The following CTNND2 variants were observed in gnomAD, a reference collection of about 807,000 sequenced individuals.
The protein encoded by CTNND2 is catenin delta 2.
CTNND2 carries 22 observed loss-of-function variants against 144.4 expected under a neutral mutation model. The observed-to-expected ratio is 0.15, with a 90% confidence interval of 0.11 to 0.22. CTNND2 has a LOEUF of 0.22. Ranked by LOEUF, CTNND2 falls within the 10% of genes least tolerant of loss-of-function variation. The pLI, the probability that CTNND2 is intolerant of heterozygous loss-of-function variation, is 1.00. For missense variants in CTNND2, 1,353 were observed against 1,618.8 expected (o/e 0.84, Z 2.82); for synonymous variants, 751 against 695.6 (o/e 1.08, Z -1.25).
chr5:11,024,267 G>A (rs1268492369), intron 16 of CTNND2, among the ~76,000 whole-genome samples: 1 of 152,140 alleles, frequency 6.6e-6, no homozygotes, highest in Non-Finnish European at 1.5e-5. Context: ...GAGAGAAAAT[G>A]CTGATACTTA....
At chr5:11,407,186 G>T (rs1185358361) in intron 5 of CTNND2, among the ~76,000 whole-genome samples, 1 of 152,144 alleles carries the variant, frequency 6.6e-6, no homozygotes, top group Non-Finnish European at 1.5e-5. Context: ...AAAGCTAATG[G>T]CCCCAAGCTT....
chr5:11,721,561 T>C (rs1407240541), intron 2 of CTNND2, among the ~76,000 whole-genome samples: 2 of 152,214 alleles, frequency 1.3e-5, no homozygotes, highest in Non-Finnish European at 2.9e-5. Flanking sequence ...TGGTCCTCTA[T>C]CTCCAAATAT....
At chr5:11,236,962 G>T in intron 9 of CTNND2, 139 bp from the exon 10 acceptor site, 1 of 810,016 alleles carries the variant, frequency 1.2e-6, no homozygotes, top group Non-Finnish European at 1.9e-6. Flanking sequence ...TTTCTTACAT[G>T]CAGACCCATT....
At chr5:11,061,967 C>T (rs555969665) in intron 16 of CTNND2, among the ~76,000 whole-genome samples, 5 of 152,266 alleles carry the variant, frequency 3.3e-5, no homozygotes, top group African/African-American at 9.6e-5. Context: ...CCTCGGCCTC[C>T]CAAAGAGCTG....
intron 2 of CTNND2, among the ~76,000 whole-genome samples, chr5:11,601,391 T>G (rs534749302): frequency 4.0e-4 from 61 of 152,176 alleles, no homozygotes; most frequent in African/African-American, 1.4e-3. Context: ...TTTTATTTTT[T>G]TGTGAAAAAA....
chr5:11,053,664 G>T (rs1746069157), intron 16 of CTNND2, among the ~76,000 whole-genome samples: 1 of 152,186 alleles, frequency 6.6e-6, no homozygotes, highest in African/African-American at 2.4e-5. Context: ...GTTTGAATTT[G>T]TTTAAGGCAA....
intron 11 of CTNND2, among the ~76,000 whole-genome samples, chr5:11,196,662 G>C (rs1561005135): frequency 6.6e-6 from 1 of 152,150 alleles, no homozygotes; most frequent in Non-Finnish European, 1.5e-5. Context: ...CCACCTCTTG[G>C]AGTCATCCAC....
chr5:11,568,321 A>G (rs1164900626), intron 2 of CTNND2, among the ~76,000 whole-genome samples: 1 of 151,968 alleles, frequency 6.6e-6, no homozygotes, highest in African/African-American at 2.4e-5. Context: ...AACTACTGAG[A>G]CCCTGCTAGG....
chr5:11,454,650 G>A (rs1765581855), intron 3 of CTNND2, among the ~76,000 whole-genome samples: 1 of 150,682 alleles, frequency 6.6e-6, no homozygotes, highest in Non-Finnish European at 1.5e-5. Flanking sequence ...AGGCTGCAGT[G>A]CAGTGGCACG....
chr5:11,709,185 C>A (rs779819798), intron 2 of CTNND2, among the ~76,000 whole-genome samples: 15 of 152,312 alleles, frequency 9.8e-5, no homozygotes, highest in Admixed American at 5.2e-4. Flanking sequence ...ACTGAAGAGG[C>A]TGGGAAGATA....
intron 9 of CTNND2, among the ~76,000 whole-genome samples, chr5:11,237,240 C>T (rs773775471): frequency 6.6e-6 from 1 of 152,028 alleles, no homozygotes; most frequent in Non-Finnish European, 1.5e-5. Flanking sequence ...AGGATGATCT[C>T]GATCTCCTGA....
intron 4 of CTNND2, 75 bp from the exon 5 acceptor site, chr5:11,411,727 C>A: frequency 1.1e-6 from 1 of 938,144 alleles, no homozygotes; most frequent in South Asian, 1.5e-5. Flanking sequence ...ATCATTTAAT[C>A]ATGGAAAATA....
At chr5:11,660,943 G>A (rs1029130617) in intron 2 of CTNND2, among the ~76,000 whole-genome samples, 9 of 152,130 alleles carry the variant, frequency 5.9e-5, no homozygotes, top group Non-Finnish European at 1.2e-4. Flanking sequence ...AAGAATGTGA[G>A]AGTTGAAAAT....
chr5:11,694,365 G>A (rs562476033), intron 2 of CTNND2, among the ~76,000 whole-genome samples: 7 of 151,888 alleles, frequency 4.6e-5, no homozygotes, highest in South Asian at 2.1e-4. Flanking sequence ...AACCCGGGAG[G>A]CGGAGCTTGC....
chr5:11,320,278 C>T (rs182214552), intron 9 of CTNND2, among the ~76,000 whole-genome samples: 14 of 152,296 alleles, frequency 9.2e-5, no homozygotes, highest in African/African-American at 2.9e-4. Context: ...TCTTCATAAA[C>T]ATTAATATAT....
rs1195234798 is a variant in CTNND2, at chr5:11,297,506, C to CAT, written c.1628+48864_1628+48865dup. 2.0e-5 allele frequency among the ~76,000 whole-genome samples: 3 copies of CAT among 152,170 alleles called. No individual in the cohort carries two copies. The East Asian group carries it at 5.8e-4, about 29-fold the overall frequency. On this transcript the variant is annotated intron_variant, in intron 9 of 21. Transcript: ENST00000304623. ...ATGTTATTCTTCTTATATTGGAAAA[C>CAT]ATAGTCATTTTAAATAAAATATTTA...
intron 2 of CTNND2, among the ~76,000 whole-genome samples, chr5:11,618,048 C>G (rs1780661247): frequency 6.6e-6 from 1 of 151,988 alleles, no homozygotes; most frequent in Non-Finnish European, 1.5e-5. Flanking sequence ...ATGCCCTATA[C>G]CTTCATCATT....
At chr5:11,365,659 G>A (rs921527329) in intron 7 of CTNND2, among the ~76,000 whole-genome samples, 3 of 152,284 alleles carry the variant, frequency 2.0e-5, no homozygotes, top group South Asian at 2.1e-4. Flanking sequence ...GCAATGCTAT[G>A]GACCAGAGAA....
chr5:11,123,798 A>G (rs1018654357), intron 12 of CTNND2, among the ~76,000 whole-genome samples: 3 of 152,200 alleles, frequency 2.0e-5, no homozygotes, highest in East Asian at 1.9e-4. Flanking sequence ...AGGAAATTCA[A>G]TGTGGAAAGG....
Sources: allele counts gnomAD v4.1 joint callset (sites outside exome capture counted in the v4.1 genomes callset), GRCh38; gene constraint gnomAD v4.1.1; transcripts MANE v1.5; gene names NCBI Gene and HGNC (gene_info 2026-07-23, HGNC 2026-07-21).